The following FAT3 variants were observed in gnomAD, a reference collection of about 807,000 sequenced individuals.
The protein encoded by FAT3 is protocadherin Fat 3.
FAT3 carries 95 observed loss-of-function variants against 310.2 expected under a neutral mutation model. That is an observed-to-expected ratio of 0.31 (90% CI 0.26 to 0.36). The LOEUF is 0.36. Among genes scored for constraint, FAT3 ranks in the 10% least tolerant of loss-of-function variants. The probability of loss-of-function intolerance (pLI) is 1.00; values close to 1 mark genes in which losing one functional copy is unlikely to be tolerated. For synonymous variants in FAT3, 2,314 were observed against 2,192.9 expected, an observed-to-expected ratio of 1.06 and a Z score of -1.54; for missense variants, 5,408 against 5,715.6, an observed-to-expected ratio of 0.95 and a Z score of 1.74.
Position 92,573,972 on chromosome 11 carries a change from A to G in FAT3, c.3607+49024A>G, listed in dbSNP as rs1591472141. On this transcript the variant is annotated intron_variant, in intron 3 of 27. Coordinates refer to ENST00000525166, the MANE Select transcript of FAT3 (RefSeq NM_001367949.2). ...GAAATCACCTAAATGAAGGTTTGCCATTCAGCCACAACTTGTAACTGGCGT... is the reference window on the plus strand; with the variant it reads ...GAAATCACCTAAATGAAGGTTTGCCGTTCAGCCACAACTTGTAACTGGCGT... Among the ~76,000 whole-genome samples, 3 of 152,214 alleles carry G rather than the reference A, an allele frequency of 2.0e-5. No individual in the cohort carries two copies. In the South Asian group the frequency reaches 6.2e-4, roughly 31 times the overall value.
At chr11:92,341,125 C>T (rs1018798548) in intron 1 of FAT3, among the ~76,000 whole-genome samples, 2 of 152,148 alleles carry the variant, frequency 1.3e-5, no homozygotes, top group Non-Finnish European at 2.9e-5. Context: ...GCTGAGGTTG[C>T]TTATGCTGAA....
intron 3 of FAT3, among the ~76,000 whole-genome samples, chr11:92,533,407 A>G (rs1954145000): frequency 6.6e-6 from 1 of 152,150 alleles, no homozygotes; most frequent in African/African-American, 2.4e-5. Context: ...GCCACCATCC[A>G]TGATAGGAAG....
intron 3 of FAT3, among the ~76,000 whole-genome samples, chr11:92,657,002 C>G (rs1942604433): frequency 6.6e-6 from 1 of 152,118 alleles, no homozygotes; most frequent in African/African-American, 2.4e-5. Context: ...GGAGAAACAG[C>G]TGTGGCACAA....
chr11:92,607,264 C>A (rs1175573207), intron 3 of FAT3, among the ~76,000 whole-genome samples: 1 of 151,908 alleles, frequency 6.6e-6, no homozygotes, highest in African/African-American at 2.4e-5. Context: ...TCTCTTCATG[C>A]ATCACCCTGA....
At chr11:92,502,300 G>C (rs1290520455) in intron 2 of FAT3, among the ~76,000 whole-genome samples, 2 of 152,054 alleles carry the variant, frequency 1.3e-5, no homozygotes, top group African/African-American at 2.4e-5. Context: ...TTCCTATGAA[G>C]TCTAATGCAG....
At position 92,751,765 on chromosome 11, in the gene FAT3, G is replaced by A. The variant is rs555686337; in HGVS notation, c.3670-10091G>A. Reference sequence around the variant, plus strand: ...GTGGGAAGGGAATTTTGAACAGATGGTTAACAGATGCTTCTACATGGGCTG... The same window carrying A: ...GTGGGAAGGGAATTTTGAACAGATGATTAACAGATGCTTCTACATGGGCTG... On this transcript the variant is annotated intron_variant, in intron 4 of 27. Coordinates refer to ENST00000525166, the MANE Select transcript of FAT3 (RefSeq NM_001367949.2). Among the ~76,000 whole-genome samples the A allele has an allele frequency of 4.6e-5, 7 of 152,248 alleles. No homozygotes were observed. In the East Asian group the frequency reaches 1.2e-3, roughly 25 times the overall value.
At chr11:92,372,609 C>G (rs1949220355) in intron 2 of FAT3, among the ~76,000 whole-genome samples, 1 of 151,982 alleles carries the variant, frequency 6.6e-6, no homozygotes, top group Admixed American at 6.6e-5. Context: ...CTGCTTAGAA[C>G]TACAAAGAGG....
chr11:92,729,067 A>T (rs1257629755), intron 4 of FAT3, among the ~76,000 whole-genome samples: 2 of 152,230 alleles, frequency 1.3e-5, no homozygotes, highest in Non-Finnish European at 2.9e-5. Flanking sequence ...CACAATTCAC[A>T]GAAAGGGGCC....
rs142950989 is a variant in FAT3, at chr11:92,353,179, G to A, written c.1067G>A (p.Cys356Tyr). 1,081 of 1,613,726 alleles carry A rather than the reference G, an allele frequency of 6.7e-4. 16 individuals carry two copies. In the East Asian group the frequency reaches 0.018, roughly 27 times the overall value. Residue 356 changes from cysteine (C) to tyrosine (Y), a missense_variant, in exon 2 of 28, where the codon TGT (cysteine) becomes TAT (tyrosine). Transcript: ENST00000525166. Reference protein sequence around the residue: ...QAKDKGSPQKCSALKAVYIGN... With the variant: ...QAKDKGSPQKYSALKAVYIGN... ...AAAGACAAGGGATCTCCTCAAAAAT[G>A]TTCAGCATTAAAGGCAGTCTACATT...
intron 1 of FAT3, among the ~76,000 whole-genome samples, chr11:92,267,215 G>C (rs927106976): frequency 1.3e-5 from 2 of 152,160 alleles, no homozygotes; most frequent in Non-Finnish European, 1.5e-5. Context: ...TGGGGGCAAA[G>C]ACAAGTTCTT....
chr11:92,673,749 A>G (rs1451136779), intron 3 of FAT3, among the ~76,000 whole-genome samples: 1 of 152,110 alleles, frequency 6.6e-6, no homozygotes, highest in Non-Finnish European at 1.5e-5. Flanking sequence ...CCAATCCTGC[A>G]ATTTAAAAAA....
intron 1 of FAT3, among the ~76,000 whole-genome samples, chr11:92,330,965 G>GGTGTGTGTGTGT (rs375080524): frequency 7.4e-6 from 1 of 135,938 alleles, no homozygotes; most frequent in Non-Finnish European, 1.5e-5. Context: ...AGGAGTAAAG[G>GGTGTGTGTGTGT]GTGTGTGTGT....
intron 4 of FAT3, among the ~76,000 whole-genome samples, chr11:92,719,014 T>C (rs1359722601): frequency 2.6e-5 from 4 of 152,212 alleles, no homozygotes; most frequent in Admixed American, 6.5e-5. Flanking sequence ...CAGAACACCA[T>C]GTACCTGGAT....
At position 92,800,764 on chromosome 11, in the gene FAT3, G is replaced by A; in HGVS notation, c.7751G>A (p.Cys2584Tyr). 6.2e-7 allele frequency: 1 copy of A among 1,613,914 alleles called. No individual in the cohort carries two copies. The highest frequency in any genetic ancestry group is 8.5e-7 in the Non-Finnish European group (1 of 1,179,874). Residue 2584 changes from cysteine to tyrosine, a missense_variant, in exon 10 of 28, where the codon TGC (cysteine) becomes TAC (tyrosine). By Grantham distance (194) the Cys-to-Tyr change is radical. Coordinates refer to ENST00000525166, the MANE Select transcript of FAT3 (RefSeq NM_001367949.2). ...GATGGTGGAGGGAGAACAACTTTCT[G>A]CACTGTGAGAGTGATTGTTGTGGAT... ...ALDGGGRTTF[C>Y]TVRVIVVDEN...
chr11:92,596,595 T>C (rs1161177701), intron 3 of FAT3, among the ~76,000 whole-genome samples: 2 of 152,182 alleles, frequency 1.3e-5, no homozygotes, highest in Non-Finnish European at 2.9e-5. Flanking sequence ...AGAATGAGCA[T>C]TTTTCTCCAT....
chr11:92,311,007 TATATATACAC>T (rs1947285442), intron 1 of FAT3, among the ~76,000 whole-genome samples: 1 of 151,516 alleles, frequency 6.6e-6, no homozygotes, highest in East Asian at 1.9e-4. Flanking sequence ...TGTGTATGTA[TATATATACAC>T]ATATATGTAT....
At position 92,246,516 on chromosome 11, in the gene FAT3, C is replaced by T. The variant is rs892919576; in HGVS notation, c.-18+21342C>T. On this transcript the variant is annotated intron_variant, in intron 1 of 27. Transcript: ENST00000525166. ...GACTGGAAAAGGGGAACTATTTGCTCTAAGACAAAGAGGGGATATGGATCA... is the reference window on the plus strand; with the variant it reads ...GACTGGAAAAGGGGAACTATTTGCTTTAAGACAAAGAGGGGATATGGATCA... Among the ~76,000 whole-genome samples the T allele has an allele frequency of 2.0e-5, 3 of 151,962 alleles. 1 individual carries two copies. The South Asian group carries it at 6.2e-4, about 31-fold the overall frequency.
In FAT3 at chr11:92,645,933, A is replaced by C. The variant is rs770111458; in HGVS notation, c.3608-51451A>C. On this transcript the variant is annotated intron_variant, in intron 3 of 27. Coordinates refer to ENST00000525166, the MANE Select transcript of FAT3 (RefSeq NM_001367949.2). ...AGTGAATGGGTAAATGAAGTAAAAT[A>C]CATGATTTAGATTTACATCATGTAT... Among the ~76,000 whole-genome samples, 9 of 152,340 alleles carry C rather than the reference A, an allele frequency of 5.9e-5. No homozygotes were observed. The South Asian group carries it at 8.3e-4, about 14-fold the overall frequency.
At position 92,844,742 on chromosome 11, in the gene FAT3, G is replaced by T; in HGVS notation, c.11365+10G>T. On this transcript the variant is annotated intron_variant, in intron 19 of 27. Transcript: ENST00000525166. The stretch of plus-strand genomic sequence containing the variant: ...CGTTGCACCTGCAATGGTGAGTGCA[G>T]TTTTGAGTGTTCCCTCTCAACTCCT... The T allele has an allele frequency of 1.3e-6, 2 of 1,496,354 alleles. No individual in the cohort carries two copies. The highest frequency in any genetic ancestry group is 1.8e-6 in the Non-Finnish European group (2 of 1,114,024). 92.7% of individuals were successfully genotyped at this position (1,496,354 alleles called of 1,614,324 possible). A position where few individuals can be genotyped will look rare whatever the true frequency, so the allele number is the denominator to read the frequency against.
Sources: allele counts gnomAD v4.1 joint callset (sites outside exome capture counted in the v4.1 genomes callset), GRCh38; gene constraint gnomAD v4.1.1; transcripts MANE v1.5; gene names NCBI Gene and HGNC (gene_info 2026-07-23, HGNC 2026-07-21).